LCTL: variants seen among roughly 807,000 people sequenced by gnomAD.
LCTL encodes the protein lactase like.
A neutral mutation model predicts 75.8 loss-of-function variants in LCTL; 76 were observed. That is an observed-to-expected ratio of 1.00 (90% CI 0.83 to 1.21). The LOEUF (loss-of-function observed/expected upper bound fraction) is 1.21. Ranked by LOEUF, LCTL falls within the 50% of genes most tolerant of loss-of-function variation. The pLI, the probability that LCTL is intolerant of heterozygous loss-of-function variation, is 0.00. For synonymous variants in LCTL, 271 were observed against 268.8 expected (o/e 1.01, Z -0.08); for missense variants, 670 against 712.4 (o/e 0.94, Z 0.68).
At chr15:66,556,689 G>A (rs1895746821) in intron 8 of LCTL, among the ~76,000 whole-genome samples, 1 of 152,174 alleles carries the variant, frequency 6.6e-6, no homozygotes, top group Non-Finnish European at 1.5e-5. Flanking sequence ...ATTATGCTAA[G>A]TAAAATAAGC....
Position 66,552,187 on chromosome 15 carries a change from C to A in LCTL, c.1198-18G>T. 1 of 1,596,786 alleles carries A rather than the reference C, an allele frequency of 6.3e-7. No homozygotes were observed. Among genetic ancestry groups the A allele is most frequent in the Non-Finnish European group, 8.5e-7 (1 of 1,175,006 alleles). ...TATTGAGTCTGAAAGTGAGTCATAG[C>A]AACAAATATCTTAAAAATTCTGACC... is the stretch of plus-strand genomic sequence containing the variant. On this transcript the variant is annotated intron_variant, in intron 9 of 12. Transcript: ENST00000341509.
Position 66,564,523 on chromosome 15 carries a change from T to G in LCTL, c.282+153A>C, listed in dbSNP as rs533435595. 3 of 856,116 alleles carry G rather than the reference T, an allele frequency of 3.5e-6. No homozygotes were observed. In the South Asian group the frequency reaches 5.5e-5, roughly 16 times the overall value. 53.0% of individuals were successfully genotyped at this position (856,116 alleles called of 1,614,324 possible). On this transcript the variant is annotated intron_variant, in intron 2 of 12. Coordinates refer to ENST00000341509, the Ensembl canonical transcript of LCTL. ...TCACCCCCACTGGCCCTGCCCCCTC[T>G]GGCTGCACTGGGGTAGAGGGTGTTT...
At chr15:66,561,448 A>T (rs1474768841) in intron 4 of LCTL, 133 bp from the exon 6 acceptor site, 1 of 975,630 alleles carries the variant, frequency 1.0e-6, no homozygotes, top group African/African-American at 1.6e-5. Flanking sequence ...CATGCCTAGA[A>T]AGAACTGGAT....
At chr15:66,556,624 G>T (rs1341691836) in intron 8 of LCTL, among the ~76,000 whole-genome samples, 1 of 152,180 alleles carries the variant, frequency 6.6e-6, no homozygotes, top group African/African-American at 2.4e-5. Context: ...ATATTATTCA[G>T]CCTTAAAAAG....
At chr15:66,550,996 TG>T (rs1204865479) in intron 11 of LCTL, among the ~76,000 whole-genome samples, 1 of 152,158 alleles carries the variant, frequency 6.6e-6, no homozygotes, top group East Asian at 1.9e-4. Context: ...ATTATACATT[TG>T]ATTTACTTAA....
chr15:66,550,328 C>T (rs150509523), intron 11 of LCTL, among the ~76,000 whole-genome samples: 165 of 152,220 alleles, frequency 1.1e-3, no homozygotes, highest in African/African-American at 3.6e-3. Flanking sequence ...GAGGAGTGTA[C>T]ACTCTAGTGC....
exon 5 of LCTL, chr15:66,561,283 A>C (rs371860262): frequency 6.2e-7 from 1 of 1,614,190 alleles, no homozygotes; most frequent in East Asian, 2.2e-5. Flanking sequence ...CCATGCTCAC[A>C]TTCTGCCACC....
At chr15:66,565,048 T>C (rs1895989545) in intron 1 of LCTL, among the ~76,000 whole-genome samples, 200 bp downstream of exon 2, 1 of 152,128 alleles carries the variant, frequency 6.6e-6, no homozygotes, top group Admixed American at 6.5e-5. Context: ...ATTTTAGCTC[T>C]GATTAGCATA....
chr15:66,554,763 G>T (rs912899800), intron 8 of LCTL, among the ~76,000 whole-genome samples: 1 of 152,118 alleles, frequency 6.6e-6, no homozygotes, highest in Non-Finnish European at 1.5e-5. Context: ...AACAAATGAG[G>T]TGGCACTTTC....
intron 8 of LCTL, among the ~76,000 whole-genome samples, chr15:66,554,602 TA>T (rs1895699215): frequency 6.6e-6 from 1 of 152,256 alleles, no homozygotes; most frequent in Admixed American, 6.5e-5. Flanking sequence ...CAAATCTGTT[TA>T]CACTTTACTC....
intron 9 of LCTL, 116 bp downstream of exon 10, chr15:66,552,868 T>C (rs757015531): frequency 1.9e-5 from 17 of 903,962 alleles, no homozygotes; most frequent in Non-Finnish European, 2.2e-5. Context: ...CTCTGAAGTA[T>C]GAGTAACTAG....
chr15:66,561,093 T>C (rs1383835484), exon 6 of LCTL: 2 of 1,614,066 alleles, frequency 1.2e-6, no homozygotes, highest in Non-Finnish European at 1.7e-6. Context: ...AGCCTTTTTC[T>C]GCCATTGCCT....
chr15:66,554,429 A>T (rs1895695436), intron 8 of LCTL, among the ~76,000 whole-genome samples: 1 of 152,136 alleles, frequency 6.6e-6, no homozygotes. Flanking sequence ...ATTGTACTCC[A>T]GCCTGGGCAA....
At chr15:66,551,423 A>G (rs531246785) in intron 11 of LCTL, among the ~76,000 whole-genome samples, 2 of 150,816 alleles carry the variant, frequency 1.3e-5, no homozygotes, top group South Asian at 2.1e-4. Context: ...TTTTTGCCCT[A>G]TCATAACTTA....
intron 12 of LCTL, chr15:66,549,173 G>T (rs186893165): frequency 2.6e-5 from 4 of 152,250 alleles, no homozygotes; most frequent in Admixed American, 2.0e-4. Flanking sequence ...TGGGTACTCT[G>T]GTTACTGAGA....
intron 7 of LCTL, 29 bp downstream of exon 8, chr15:66,557,953 C>T: frequency 5.0e-6 from 8 of 1,608,216 alleles, no homozygotes; most frequent in Non-Finnish European, 6.8e-6. Context: ...CTTGGCTGTC[C>T]TGGGTACATG....
intron 11 of LCTL, among the ~76,000 whole-genome samples, chr15:66,551,345 C>CAAAAAAA (rs67322943): frequency 2.0e-5 from 1 of 50,532 alleles, no homozygotes; most frequent in Non-Finnish European, 3.5e-5. Context: ...GATTCTGTCT[C>CAAAAAAA]AAAAAAAAAA....
At chr15:66,551,688 C>G in exon 11 of LCTL, 1 of 1,613,974 alleles carries the variant, frequency 6.2e-7, no homozygotes, top group African/African-American at 1.3e-5. Flanking sequence ...AACCCATTGG[C>G]AATGATAATC....
exon 11 of LCTL, chr15:66,551,833 C>A: frequency 1.2e-6 from 2 of 1,613,454 alleles, no homozygotes; most frequent in Middle Eastern, 3.3e-4. Flanking sequence ...AGGAAGTATA[C>A]CCCTTTATAT....
Sources: allele counts gnomAD v4.1 joint callset (sites outside exome capture counted in the v4.1 genomes callset), GRCh38; gene constraint gnomAD v4.1.1; transcripts MANE v1.5; gene names NCBI Gene and HGNC (gene_info 2026-07-23, HGNC 2026-07-21).